The following PKP2 variants were observed in gnomAD, a reference collection of about 807,000 sequenced individuals.
The protein encoded by PKP2 is plakophilin 2, also known as plakophilin-2.
PKP2 carries 73 observed loss-of-function variants against 83.4 expected under a neutral mutation model. The observed-to-expected ratio is 0.88, with a 90% CI of 0.72 to 1.06. PKP2 has a LOEUF of 1.06. Among genes scored for constraint, PKP2 ranks in the 50% least tolerant of loss-of-function variants. The pLI, the probability that PKP2 is intolerant of heterozygous loss-of-function variation, is 0.00. For synonymous variants in PKP2, 409 were observed against 430.4 expected (o/e 0.95, Z 0.62); for missense variants, 966 against 1,065.4 (o/e 0.91, Z 1.30).
intron 4 of PKP2, among the ~76,000 whole-genome samples, chr12:32,854,070 G>A (rs1021573094): frequency 1.3e-5 from 2 of 152,152 alleles, no homozygotes; most frequent in Non-Finnish European, 2.9e-5. Context: ...TTTGTCCTGA[G>A]GTACTTTGGC....
Position 32,822,503 on chromosome 12 carries a change from A to G in PKP2, c.1803T>C (p.Ile601=), listed in dbSNP as rs1348306933. The change falls in exon 8 of 13, where the codon ATT becomes ATC. Residue 601 remains isoleucine, a synonymous_variant. Coordinates refer to ENST00000340811, the MANE Select transcript of PKP2 (RefSeq NM_001005242.3). ...TCCTGCTTCGACTGCCAAAACATCC[A>G]ATACTTTTGTTGTTGTCAGTCTGGA... ...RNIQTDNNKS[I]GCFGSRSRKV... is the part of the protein sequence containing the mutation. 1 of 1,613,972 alleles carries G rather than the reference A, an allele frequency of 6.2e-7. No homozygotes were observed. The highest frequency in any genetic ancestry group is 8.5e-7 in the Non-Finnish European group (1 of 1,180,034).
chr12:32,868,937 G>A lies in PKP2; in HGVS notation c.1160C>T (p.Ala387Val). 6.2e-7 allele frequency: 1 copy of A among 1,613,178 alleles called. No individual in the cohort carries two copies. Among genetic ancestry groups the A allele is most frequent in the Non-Finnish European group, 8.5e-7 (1 of 1,179,974 alleles). ...IQHECFQKSE[A>V]RKRVNQLRGI... ...GAAGATGACACTCACCCTCTTCCGA[G>A]CTTCAGATTTCTGGAAGCACTCGTG... is the stretch of plus-strand genomic sequence containing the variant. Residue 387 changes from alanine (A) to valine (V), a missense_variant, in exon 4 of 13, where the codon GCT becomes GTT. Ala to Val is a moderately conservative substitution (Grantham distance 64). Transcript: ENST00000340811.
intron 9 of PKP2, among the ~76,000 whole-genome samples, chr12:32,817,846 C>T (rs74072945): frequency 0.037 from 5,661 of 152,212 alleles, 351 homozygotes; most frequent in African/African-American, 0.13. Flanking sequence ...GTTAGGAACC[C>T]GCCGCACAGC....
chr12:32,878,619 A>T, intron 2 of PKP2, 76 bp from the exon 3 acceptor site: 1 of 1,150,150 alleles, frequency 8.7e-7, no homozygotes, highest in Non-Finnish European at 1.3e-6. Flanking sequence ...TTACTCTGGG[A>T]CTATTACCCA....
chr12:32,793,963 TTTCTC>T (rs1339456411), intron 11 of PKP2, among the ~76,000 whole-genome samples: 1 of 152,208 alleles, frequency 6.6e-6, no homozygotes, highest in Non-Finnish European at 1.5e-5. Context: ...CTTAGATCTC[TTTCTC>T]TTCTATCACC....
intron 5 of PKP2, among the ~76,000 whole-genome samples, chr12:32,847,127 C>A (rs528206127): frequency 6.6e-6 from 1 of 152,016 alleles, no homozygotes; most frequent in Non-Finnish European, 1.5e-5. Context: ...AAGAAATAGA[C>A]CAGTAAGATT....
intron 4 of PKP2, among the ~76,000 whole-genome samples, chr12:32,851,515 C>T (rs1473685459): frequency 6.6e-6 from 1 of 152,166 alleles, no homozygotes; most frequent in African/African-American, 2.4e-5. Context: ...GTCACCCAGG[C>T]TGGAATGCAG....
At chr12:32,841,618 A>G (rs915780590) in intron 5 of PKP2, among the ~76,000 whole-genome samples, 1 of 152,056 alleles carries the variant, frequency 6.6e-6, no homozygotes, top group Non-Finnish European at 1.5e-5. Context: ...AAAGAGTCAT[A>G]TTTTTTTCTC....
At chr12:32,818,337 T>C (rs1236915057) in intron 9 of PKP2, among the ~76,000 whole-genome samples, 1 of 152,144 alleles carries the variant, frequency 6.6e-6, no homozygotes, top group Non-Finnish European at 1.5e-5. Context: ...GGCACATGCC[T>C]GTAATCCCAA....
rs1316504900 is a variant in PKP2 at position 32,791,955 on chromosome 12, T to C, written c.*469A>G. On this transcript the variant is annotated 3_prime_UTR_variant, in exon 13 of 13. Coordinates refer to ENST00000340811, the MANE Select transcript of PKP2 (RefSeq NM_001005242.3). ...ACTTTCTCCTGGATAACTGCAGATATTTCTTGTCATTTCCATTCTGTTTCA... is the reference window on the plus strand; with the variant it reads ...ACTTTCTCCTGGATAACTGCAGATACTTCTTGTCATTTCCATTCTGTTTCA... 1 of 179,014 alleles carries C rather than the reference T, an allele frequency of 5.6e-6. No homozygotes were observed. Among genetic ancestry groups the C allele is most frequent in the Non-Finnish European group, 1.2e-5 (1 of 83,978 alleles). 11.1% of individuals were successfully genotyped at this position (179,014 alleles called of 1,614,324 possible).
chr12:32,856,276 G>A (rs186959984), intron 4 of PKP2, among the ~76,000 whole-genome samples: 1 of 152,200 alleles, frequency 6.6e-6, no homozygotes, highest in East Asian at 1.9e-4. Flanking sequence ...AGGCAATGGG[G>A]GCAGTTATTG....
chr12:32,878,628 C>A (rs2137951636), intron 2 of PKP2, 85 bp from the exon 3 acceptor site: 1 of 1,078,924 alleles, frequency 9.3e-7, no homozygotes. Flanking sequence ...GACTATTACC[C>A]AACATGTCCG....
intron 5 of PKP2, chr12:32,843,447 G>A: frequency 1.7e-6 from 1 of 594,336 alleles, no homozygotes; most frequent in Non-Finnish European, 3.0e-6. Context: ...GTTAAAGCTT[G>A]GTAATTACTC....
intron 4 of PKP2, among the ~76,000 whole-genome samples, chr12:32,867,025 T>C (rs1344416956): frequency 6.6e-6 from 1 of 152,136 alleles, no homozygotes; most frequent in African/African-American, 2.4e-5. Context: ...ATTCAATCTA[T>C]AGTGACAGAA....
intron 9 of PKP2, among the ~76,000 whole-genome samples, chr12:32,810,247 C>A (rs941264340): frequency 2.0e-5 from 3 of 152,186 alleles, no homozygotes; most frequent in Admixed American, 1.3e-4. Context: ...AATGAATGAA[C>A]AAGTAGAGCC....
chr12:32,874,679 C>G (rs1956918628), intron 3 of PKP2, among the ~76,000 whole-genome samples: 1 of 152,108 alleles, frequency 6.6e-6, no homozygotes, highest in African/African-American at 2.4e-5. Context: ...ACAAAAGAAC[C>G]TAGATGGCAA....
At chr12:32,803,197 CTG>C (rs910828590) in intron 9 of PKP2, among the ~76,000 whole-genome samples, 9 of 151,896 alleles carry the variant, frequency 5.9e-5, no homozygotes, top group African/African-American at 4.8e-5. Context: ...TGGTGAAACC[CTG>C]TCTTTACTAA....
chr12:32,896,738 G>A lies in PKP2; in HGVS notation c.-7C>T, dbSNP rs959129403. On this transcript the variant is annotated 5_prime_UTR_variant, in exon 1 of 13. Transcript: ENST00000340811. ...GGGCGCCGGGGGCTGCCATGGGGCCGGTGGGGGCGACCGAGCTGCTCGCCT... is the reference window on the plus strand; with the variant it reads ...GGGCGCCGGGGGCTGCCATGGGGCCAGTGGGGGCGACCGAGCTGCTCGCCT... 5.7e-6 allele frequency: 8 copies of A among 1,406,384 alleles called. No homozygotes were observed. The Admixed American group carries it at 9.7e-5, about 17-fold the overall frequency. The allele number at this position is 1,406,384 out of a possible 1,614,324, so 87.1% of individuals were successfully genotyped here.
intron 6 of PKP2, among the ~76,000 whole-genome samples, chr12:32,825,286 A>G (rs1264675252): frequency 6.8e-6 from 1 of 147,932 alleles, no homozygotes; most frequent in Non-Finnish European, 1.5e-5. Flanking sequence ...CTCCTGCCTC[A>G]GCCTCCCGAG....
Sources: allele counts gnomAD v4.1 joint callset (sites outside exome capture counted in the v4.1 genomes callset), GRCh38; gene constraint gnomAD v4.1.1; transcripts MANE v1.5; gene names NCBI Gene and HGNC (gene_info 2026-07-23, HGNC 2026-07-21).